Variants in GEMIN5 observed in about 807,000 individuals in gnomAD.
The protein encoded by GEMIN5 is gem nuclear organelle associated protein 5, also known as gem-associated protein 5.
A neutral mutation model predicts 176.9 loss-of-function variants in GEMIN5; 124 were observed. The observed-to-expected ratio is 0.70, with a 90% CI of 0.61 to 0.81. The LOEUF is 0.81. Among genes scored for constraint, GEMIN5 ranks in the 40% least tolerant of loss-of-function variants. The probability of loss-of-function intolerance (pLI) is 0.00; values close to 1 mark genes in which losing one functional copy is unlikely to be tolerated. For synonymous variants in GEMIN5, 673 were observed against 665.2 expected, an observed-to-expected ratio of 1.01 and a Z score of -0.18; for missense variants, 1,843 against 1,814.6, an observed-to-expected ratio of 1.02 and a Z score of -0.28.
At chr5:154,917,836 G>C in intron 12 of GEMIN5, 95 bp downstream of exon 12, 1 of 815,152 alleles carries the variant, frequency 1.2e-6, no homozygotes, top group Non-Finnish European at 2.2e-6. Context: ...ATACAACTGG[G>C]CCGCCCCAGC....
At chr5:154,900,011 A>G (rs1041564632) in intron 21 of GEMIN5, among the ~76,000 whole-genome samples, 2 of 152,328 alleles carry the variant, frequency 1.3e-5, no homozygotes, top group East Asian at 3.9e-4. Flanking sequence ...AAAAATGAAC[A>G]AAGTAGGCCT....
intron 11 of GEMIN5, 89 bp from the exon 12 acceptor site, chr5:154,918,093 A>G: frequency 1.3e-6 from 1 of 782,210 alleles, no homozygotes; most frequent in Non-Finnish European, 2.2e-6. Flanking sequence ...CTAGAGTTTA[A>G]AAACGTTTTA....
Position 154,937,883 on chromosome 5 carries a change from A to G in GEMIN5, c.166+85T>C, listed in dbSNP as rs529688224. On this transcript the variant is annotated intron_variant, in intron 1 of 27. Transcript: ENST00000285873. ...CCTGGGCCTCAGTTTCCCTAGCTGT[A>G]GAAAACGGGGTGGAGTCGTCCACTC... 38 of 1,226,840 alleles carry G rather than the reference A, an allele frequency of 3.1e-5. No individual in the cohort carries two copies. The African/African-American group carries it at 4.6e-4, about 15-fold the overall frequency. 76.0% of individuals were successfully genotyped at this position (1,226,840 alleles called of 1,614,324 possible).
intron 11 of GEMIN5, among the ~76,000 whole-genome samples, chr5:154,919,566 T>C (rs1763879491): frequency 6.6e-6 from 1 of 152,226 alleles, no homozygotes; most frequent in Non-Finnish European, 1.5e-5. Flanking sequence ...TAAAACACCA[T>C]GCAGTTGCAT....
Position 154,927,501 on chromosome 5 carries a change from T to A in GEMIN5, c.964A>T (p.Thr322Ser). Residue 322 changes from threonine to serine, a missense_variant, in exon 7 of 28, where the codon ACC (threonine) becomes TCC (serine). By Grantham distance (58) the Thr-to-Ser change is moderately conservative (BLOSUM62 1). Coordinates refer to ENST00000285873, the MANE Select transcript of GEMIN5 (RefSeq NM_015465.5). Reference sequence around the variant, plus strand: ...CCTTCTGATGAGGCACTGAAGAGGGTGTATTTCCGTCTCCAAGATTGAGTG... The same window carrying A: ...CCTTCTGATGAGGCACTGAAGAGGGAGTATTTCCGTCTCCAAGATTGAGTG... The part of the protein sequence containing the change: ...DLTQSWRRKY[T>S]LFSASSEGQN... 6.2e-7 allele frequency: 1 copy of A among 1,610,660 alleles called. No homozygotes were observed. The highest frequency in any genetic ancestry group is 1.3e-5 in the African/African-American group (1 of 74,996).
chr5:154,916,563 C>G (rs1763814410), intron 13 of GEMIN5, among the ~76,000 whole-genome samples: 1 of 152,112 alleles, frequency 6.6e-6, no homozygotes, highest in Non-Finnish European at 1.5e-5. Flanking sequence ...ATATAGCTCA[C>G]TGCAGCCTCA....
intron 23 of GEMIN5, among the ~76,000 whole-genome samples, chr5:154,897,954 C>T (rs1371647752): frequency 2.8e-4 from 36 of 127,650 alleles, no homozygotes; most frequent in African/African-American, 9.9e-4. Context: ...CACTATGTTG[C>T]CCAGGCTGGA....
Position 154,911,970 on chromosome 5 carries a change from T to A in GEMIN5, c.1996-72A>T. On this transcript the variant is annotated intron_variant, in intron 14 of 27. Transcript: ENST00000285873. ...ATTGTTTGGGCAGTATGTTTTCTAATTAAAAACAAAAAACAAAAAACAAAA... is the reference window on the plus strand; with the variant it reads ...ATTGTTTGGGCAGTATGTTTTCTAAATAAAAACAAAAAACAAAAAACAAAA... The A allele has an allele frequency of 7.1e-7, 1 of 1,412,724 alleles. No individual in the cohort carries two copies. Among genetic ancestry groups the A allele is most frequent in the African/African-American group, 1.4e-5 (1 of 68,982 alleles). The allele number at this position is 1,412,724 out of a possible 1,614,324, so 87.5% of individuals were successfully genotyped here.
In GEMIN5 at chr5:154,902,612, A is replaced by G. The variant is rs965509467; in HGVS notation, c.2793T>C (p.Asp931=). The change falls in exon 20 of 28, where the codon GAT becomes GAC. Residue 931 remains aspartate, a synonymous_variant. Transcript: ENST00000285873. ...LFHQLMLWKG[D]LKGVLQTAAE... The stretch of plus-strand genomic sequence containing the variant: ...CTGCAGTCTGGAGAACACCTTTGAG[A>G]TCTCCTTTCCAAAGCATAAGCTGGT... The G allele has an allele frequency of 1.2e-6, 2 of 1,613,464 alleles. No individual in the cohort carries two copies. Among genetic ancestry groups the G allele is most frequent in the African/African-American group, 2.7e-5 (2 of 74,904 alleles).
chr5:154,898,672 G>A (rs770834315), intron 22 of GEMIN5, 22 bp from the exon 23 acceptor site: 6 of 1,530,170 alleles, frequency 3.9e-6, no homozygotes, highest in Non-Finnish European at 5.4e-6. Context: ...ATAAAAATGT[G>A]AAGAAAATGT....
In GEMIN5 at chr5:154,905,477, C is replaced by T; in HGVS notation, c.2396-1G>A. ...GTGCAGATAACTGGTTCTCTAGAAA[C>T]TACATCATGGGGGAAAAAGGAAAAA... On this transcript the variant is annotated splice_acceptor_variant, in intron 16 of 27. Transcript: ENST00000285873. LOFTEE classifies it high-confidence loss of function. 5 of 1,449,526 alleles carry T rather than the reference C, an allele frequency of 3.4e-6. No homozygotes were observed. Among genetic ancestry groups the T allele is most frequent in the Non-Finnish European group, 4.8e-6 (5 of 1,048,244 alleles). 89.8% of individuals were successfully genotyped at this position (1,449,526 alleles called of 1,614,324 possible). A position where few individuals can be genotyped will look rare whatever the true frequency, so the allele number is the denominator to read the frequency against.
intron 8 of GEMIN5, 27 bp downstream of exon 8, chr5:154,925,835 A>G (rs747482068): frequency 1.4e-6 from 2 of 1,406,574 alleles, no homozygotes; most frequent in Non-Finnish European, 2.0e-6. Flanking sequence ...AAAAAGTTCA[A>G]AACAAGCTCA....
chr5:154,911,473 A>G (rs1763697950), intron 15 of GEMIN5, among the ~76,000 whole-genome samples: 3 of 152,212 alleles, frequency 2.0e-5, no homozygotes, highest in Admixed American at 2.0e-4. Flanking sequence ...AGATCACGCC[A>G]CTACATTCCA....
chr5:154,928,353 G>T (rs1218991342), intron 6 of GEMIN5, among the ~76,000 whole-genome samples, 174 bp downstream of exon 6: 1 of 152,194 alleles, frequency 6.6e-6, no homozygotes, highest in African/African-American at 2.4e-5. Context: ...ATACTTATGT[G>T]ATCTTTTTAC....
intron 18 of GEMIN5, 106 bp from the exon 19 acceptor site, chr5:154,903,281 TGA>T: frequency 1.4e-6 from 1 of 720,926 alleles, no homozygotes; most frequent in Non-Finnish European, 2.4e-6. Context: ...CTTCAGACAC[TGA>T]GAGAATCAGA....
At chr5:154,920,227 T>C in intron 10 of GEMIN5, 124 bp from the exon 11 acceptor site, 4 of 621,374 alleles carry the variant, frequency 6.4e-6, no homozygotes, top group Non-Finnish European at 7.7e-6. Context: ...TGAAACATTC[T>C]AATACATTGG....
At position 154,899,302 on chromosome 5, in the gene GEMIN5, A is replaced by G. The variant is rs1166287645; in HGVS notation, c.3023T>C (p.Ile1008Thr). The change falls in exon 22 of 28, where the codon ATT becomes ACT. Residue 1008 changes from isoleucine to threonine, a missense_variant. By Grantham distance (89) the Ile-to-Thr change is moderately conservative (BLOSUM62 -1). Coordinates refer to ENST00000285873, the MANE Select transcript of GEMIN5 (RefSeq NM_015465.5). Reference protein sequence around the residue: ...LKSNHFYREAIAIAKARLRPE... With the variant: ...LKSNHFYREATAIAKARLRPE... Reference sequence around the variant, plus strand: ...GCGCAGCCGGGCCTTGGCAATCGCAATAGCTTCCCTAAAGGCAAGAACAGA... The same window carrying G: ...GCGCAGCCGGGCCTTGGCAATCGCAGTAGCTTCCCTAAAGGCAAGAACAGA... 6.2e-7 allele frequency: 1 copy of G among 1,610,938 alleles called. No individual in the cohort carries two copies. The highest frequency in any genetic ancestry group is 1.7e-5 in the Admixed American group (1 of 59,730).
At chr5:154,914,510 T>C (rs1234338890) in intron 13 of GEMIN5, among the ~76,000 whole-genome samples, 1 of 3,350 alleles carries the variant, frequency 3.0e-4, no homozygotes, top group Non-Finnish European at 8.7e-4. Context: ...ACTATTTTAC[T>C]TTTTTTTTTT....
intron 9 of GEMIN5, among the ~76,000 whole-genome samples, 174 bp downstream of exon 9, chr5:154,924,295 A>G (rs1561725411): frequency 6.6e-6 from 1 of 152,216 alleles, no homozygotes; most frequent in Non-Finnish European, 1.5e-5. Flanking sequence ...AGCTACCACA[A>G]GGAGATAACT....
Sources: gnomAD v4.1 joint callset for allele counts (sites outside exome capture counted in the v4.1 genomes callset) on GRCh38, gnomAD v4.1.1 for gene constraint, MANE v1.5 for transcripts, NCBI Gene and HGNC (gene_info 2026-07-23, HGNC 2026-07-21) for gene names.